The following NCALD variants were observed in gnomAD, a reference collection of about 807,000 sequenced individuals.
NCALD encodes neurocalcin delta.
In NCALD, 10 loss-of-function variants were observed where a neutral mutation model predicts 18.6. The ratio of observed to expected loss-of-function variants is 0.54; its 90% CI spans 0.33 to 0.91. The LOEUF (loss-of-function observed/expected upper bound fraction) is 0.91, where lower values mean the gene tolerates loss of function less well. Among genes scored for constraint, NCALD ranks in the 40% least tolerant of loss-of-function variants. The pLI is 0.03. For missense variants in NCALD, 184 were observed against 247.6 expected, an observed-to-expected ratio of 0.74 and a Z score of 1.72; for synonymous variants, 88 against 87.4, an observed-to-expected ratio of 1.01 and a Z score of -0.04.
intron 1 of NCALD, among the ~76,000 whole-genome samples, chr8:101,778,333 GC>G (rs1465855641): frequency 6.6e-6 from 1 of 152,102 alleles, no homozygotes; most frequent in Non-Finnish European, 1.5e-5. Context: ...AGTCAACCCA[GC>G]CCTTCATTTA....
intron 4 of NCALD, among the ~76,000 whole-genome samples, chr8:101,833,766 C>G (rs1343103393): frequency 1.3e-5 from 2 of 152,042 alleles, no homozygotes; most frequent in South Asian, 4.2e-4. Flanking sequence ...GTGTGTAAAA[C>G]TGGTGAAAAT....
At chr8:102,031,267 C>T (rs1055461413) in intron 1 of NCALD, among the ~76,000 whole-genome samples, 8 of 151,700 alleles carry the variant, frequency 5.3e-5, no homozygotes, top group East Asian at 3.9e-4. Flanking sequence ...CACAGATAAA[C>T]GATAAGGAAA....
At chr8:102,009,927 A>C (rs2132061287) in intron 2 of NCALD, among the ~76,000 whole-genome samples, 1 of 152,370 alleles carries the variant, frequency 6.6e-6, no homozygotes, top group East Asian at 1.9e-4. Flanking sequence ...CATTCACTTC[A>C]GGGGCACAGG....
intron 4 of NCALD, among the ~76,000 whole-genome samples, chr8:101,884,774 T>A (rs879940474): frequency 2.6e-5 from 4 of 152,186 alleles, no homozygotes; most frequent in Non-Finnish European, 4.4e-5. Context: ...GGAAAATAGT[T>A]GGCAGGGAAT....
chr8:101,899,572 T>G (rs1419682853), intron 3 of NCALD, among the ~76,000 whole-genome samples: 1 of 151,944 alleles, frequency 6.6e-6, no homozygotes, highest in African/African-American at 2.4e-5. Flanking sequence ...TATTCTTATT[T>G]CTCTAAGTTT....
At chr8:101,951,522 A>G (rs1027684164) in intron 2 of NCALD, among the ~76,000 whole-genome samples, 3 of 152,274 alleles carry the variant, frequency 2.0e-5, no homozygotes, top group African/African-American at 7.2e-5. Flanking sequence ...ACTCTGCCTC[A>G]GATGGGGCTT....
At chr8:101,942,174 T>A (rs6991178) in intron 2 of NCALD, among the ~76,000 whole-genome samples, 1 of 151,786 alleles carries the variant, frequency 6.6e-6, no homozygotes, top group Non-Finnish European at 1.5e-5. Flanking sequence ...TTCTCGGAAC[T>A]AGAACTCATG....
At chr8:102,078,669 G>T (rs115041785) in intron 1 of NCALD, among the ~76,000 whole-genome samples, 219 of 152,302 alleles carry the variant, frequency 1.4e-3, no homozygotes, top group African/African-American at 5.1e-3. Flanking sequence ...GCCTGGAATT[G>T]TCTTCCCCAG....
intron 2 of NCALD, among the ~76,000 whole-genome samples, chr8:101,706,881 GATAAATCCCCT>G (rs1815551944): frequency 3.6e-5 from 2 of 54,910 alleles, no homozygotes; most frequent in Non-Finnish European, 1.9e-4. Flanking sequence ...TTTGCAATAA[GATAAATCCCCT>G]GATAAGAAAG....
At chr8:101,944,549 T>C (rs919905686) in intron 2 of NCALD, among the ~76,000 whole-genome samples, 9 of 152,212 alleles carry the variant, frequency 5.9e-5, no homozygotes, top group African/African-American at 2.2e-4. Context: ...ATGCTGGCTT[T>C]TCTCCTGCCT....
At chr8:101,957,687 A>G (rs1024299987) in intron 2 of NCALD, among the ~76,000 whole-genome samples, 16 of 152,158 alleles carry the variant, frequency 1.1e-4, no homozygotes, top group African/African-American at 3.6e-4. Context: ...CAGGAGTCCA[A>G]TGCTAAGGCC....
At chr8:101,737,733 T>C (rs1166744643) in intron 1 of NCALD, among the ~76,000 whole-genome samples, 1 of 152,232 alleles carries the variant, frequency 6.6e-6, no homozygotes, top group East Asian at 1.9e-4. Flanking sequence ...GATGGTCACT[T>C]CCATTCGGTG....
chr8:101,987,711 T>C (rs1192082558), intron 2 of NCALD, among the ~76,000 whole-genome samples: 2 of 152,084 alleles, frequency 1.3e-5, no homozygotes, highest in Non-Finnish European at 2.9e-5. Context: ...GAGTCCAAGA[T>C]GTATTACATC....
chr8:101,799,504 G>A (rs920607129), intron 4 of NCALD, among the ~76,000 whole-genome samples: 1 of 152,148 alleles, frequency 6.6e-6, no homozygotes, highest in Admixed American at 6.5e-5. Context: ...TGTGACAGCC[G>A]AGAACTGGGA....
intron 1 of NCALD, among the ~76,000 whole-genome samples, chr8:102,067,116 A>T (rs1824034087): frequency 6.6e-6 from 1 of 152,138 alleles, no homozygotes; most frequent in Non-Finnish European, 1.5e-5. Flanking sequence ...CCATCAAACC[A>T]CCTCCAATAG....
rs978485266 is a variant in NCALD at position 101,743,475 on chromosome 8, G to A, written c.-19-23827C>T. ...CTCTTCACTATGAGATTGGGTTAAG[G>A]AGCAATTAGAATTGTTGGGTTTTGC... On this transcript the variant is annotated intron_variant, in intron 1 of 3. Transcript: ENST00000220931. Among the ~76,000 whole-genome samples the A allele has an allele frequency of 3.9e-5, 6 of 152,316 alleles. No individual in the cohort carries two copies. The East Asian group carries it at 1.2e-3, about 29-fold the overall frequency.
chr8:102,098,594 A>G (rs1469560931), intron 1 of NCALD, among the ~76,000 whole-genome samples: 1 of 152,232 alleles, frequency 6.6e-6, no homozygotes, highest in Admixed American at 6.5e-5. Flanking sequence ...TTAATCAGCA[A>G]CCATAATTGA....
chr8:101,744,189 C>T (rs1348314869), intron 1 of NCALD, among the ~76,000 whole-genome samples: 1 of 152,196 alleles, frequency 6.6e-6, no homozygotes, highest in Non-Finnish European at 1.5e-5. Flanking sequence ...TCCCCAAAGA[C>T]TCCAGTCCAG....
chr8:101,907,689 C>T (rs1204950865), intron 3 of NCALD, among the ~76,000 whole-genome samples: 2 of 152,042 alleles, frequency 1.3e-5, no homozygotes, highest in African/African-American at 4.8e-5. Context: ...TCATTATTTC[C>T]AACCCAGTGC....
Sources: allele counts gnomAD v4.1 joint callset (sites outside exome capture counted in the v4.1 genomes callset), GRCh38; gene constraint gnomAD v4.1.1; transcripts MANE v1.5; gene names NCBI Gene and HGNC (gene_info 2026-07-23, HGNC 2026-07-21).